The following CTNNA2 variants were observed in gnomAD, a reference collection of about 807,000 sequenced individuals.
CTNNA2 encodes catenin alpha-2.
Under a neutral mutation model 101.0 loss-of-function variants are expected in CTNNA2, and 42 were observed. The observed-to-expected ratio is 0.42, with a 90% CI of 0.32 to 0.54. The LOEUF is 0.54. Among genes scored for constraint, CTNNA2 ranks in the 20% least tolerant of loss-of-function variants. The pLI, the probability that CTNNA2 is intolerant of heterozygous loss-of-function variation, is 0.14. For missense variants in CTNNA2, 871 were observed against 1,223.1 expected (o/e 0.71, Z 4.29); for synonymous variants, 450 against 456.4 (o/e 0.99, Z 0.18).
At chr2:79,206,796 G>A (rs1460686391) in intron 2 of CTNNA2, among the ~76,000 whole-genome samples, 1 of 152,138 alleles carries the variant, frequency 6.6e-6, no homozygotes, top group Non-Finnish European at 1.5e-5. Context: ...AAACCAACTG[G>A]AGAATGATGC....
intron 7 of CTNNA2, among the ~76,000 whole-genome samples, chr2:80,144,539 G>A (rs1427076122): frequency 1.3e-5 from 2 of 152,152 alleles, no homozygotes; most frequent in African/African-American, 4.8e-5. Context: ...GTCATCACTG[G>A]AACACTTAGA....
At chr2:79,193,738 G>C (rs1673921456) in intron 1 of CTNNA2, among the ~76,000 whole-genome samples, 1 of 152,152 alleles carries the variant, frequency 6.6e-6, no homozygotes, top group African/African-American at 2.4e-5. Context: ...CAATGTGACT[G>C]TATATTAAGC....
Position 79,341,879 on chromosome 2 carries a change from C to A in CTNNA2, c.-318+29083C>A, listed in dbSNP as rs565397661. On this transcript the variant is annotated intron_variant, in intron 3 of 21. Transcript: ENST00000466387. ...GATATTGCTGTGAATAATAAGTTGT[C>A]CTTCAGGTCTGACCTAGGAGTCTGA... Among the ~76,000 whole-genome samples, 5 of 152,254 alleles carry A rather than the reference C, an allele frequency of 3.3e-5. No individual in the cohort carries two copies. In the East Asian group the frequency reaches 9.7e-4, roughly 29 times the overall value.
At position 79,586,527 on chromosome 2, in the gene CTNNA2, C is replaced by CT. The variant is rs10629514; in HGVS notation, c.-5-65016dup. Reference sequence around the variant, plus strand: ...TTTAGGTTTTCTTTTCTTTTCTTTTCTTTTTTTTTAGCACTTTTTCTTTTT... The same window carrying CT: ...TTTAGGTTTTCTTTTCTTTTCTTTTCTTTTTTTTTTAGCACTTTTTCTTTTT... On this transcript the variant is annotated intron_variant, in intron 1 of 18. Coordinates refer to ENST00000402739, the MANE Select transcript of CTNNA2 (RefSeq NM_001282597.3). 8.4e-4 allele frequency among the ~76,000 whole-genome samples: 124 copies of CT among 147,928 alleles called. 1 individual carries two copies. The highest frequency in any genetic ancestry group is 3.6e-3 in the Middle Eastern group (1 of 280).
intron 7 of CTNNA2, among the ~76,000 whole-genome samples, chr2:80,119,928 A>G (rs1701736321): frequency 6.6e-6 from 1 of 152,222 alleles, no homozygotes; most frequent in African/African-American, 2.4e-5. Flanking sequence ...ATGTGCTATA[A>G]GGAAATTAAA....
chr2:79,523,052 G>A (rs2103884510), intron 1 of CTNNA2, among the ~76,000 whole-genome samples: 1 of 152,294 alleles, frequency 6.6e-6, no homozygotes, highest in South Asian at 2.1e-4. Flanking sequence ...TTCAAGTACA[G>A]CTGAGATCAT....
chr2:79,485,713 A>G (rs540159931), intron 4 of CTNNA2, among the ~76,000 whole-genome samples: 2 of 152,318 alleles, frequency 1.3e-5, no homozygotes, highest in African/African-American at 4.8e-5. Context: ...TCAATGAAGT[A>G]GGAAAATTAT....
chr2:79,191,281 T>G (rs78579983), intron 1 of CTNNA2, among the ~76,000 whole-genome samples: 1 of 152,306 alleles, frequency 6.6e-6, no homozygotes, highest in African/African-American at 2.4e-5. Flanking sequence ...TCAGCTAAGT[T>G]CCATTTTGAA....
chr2:80,584,605 C>T (rs560317335), intron 14 of CTNNA2, among the ~76,000 whole-genome samples: 17 of 151,978 alleles, frequency 1.1e-4, no homozygotes, highest in Admixed American at 8.5e-4. Flanking sequence ...GGCACTTAAC[C>T]TTGGTGATAC....
chr2:79,876,692 T>G (rs1250294051), intron 6 of CTNNA2, among the ~76,000 whole-genome samples: 1 of 152,178 alleles, frequency 6.6e-6, no homozygotes, highest in Non-Finnish European at 1.5e-5. Context: ...AAGCACCTTT[T>G]ATCCCCAATT....
chr2:79,248,459 G>A (rs1176748321), intron 2 of CTNNA2, among the ~76,000 whole-genome samples: 6 of 151,378 alleles, frequency 4.0e-5, no homozygotes, highest in Admixed American at 2.0e-4. Flanking sequence ...TTAAAATTTG[G>A]TATGTCTTTT....
intron 1 of CTNNA2, among the ~76,000 whole-genome samples, chr2:79,590,515 TA>T (rs1197236968): frequency 1.3e-5 from 2 of 152,170 alleles, no homozygotes; most frequent in Non-Finnish European, 2.9e-5. Context: ...ATGACAGGGT[TA>T]AAAAATATCC....
intron 3 of CTNNA2, among the ~76,000 whole-genome samples, chr2:79,347,873 G>A (rs976060659): frequency 6.7e-6 from 1 of 148,648 alleles, no homozygotes; most frequent in Non-Finnish European, 1.5e-5. Context: ...AGTCCCACAA[G>A]GAAGAGCATG....
intron 7 of CTNNA2, among the ~76,000 whole-genome samples, chr2:80,357,474 A>G (rs976561800): frequency 1.1e-4 from 16 of 152,056 alleles, no homozygotes; most frequent in Admixed American, 6.6e-5. Context: ...CATCTCTGAC[A>G]GTGCCTATCA....
chr2:79,982,238 A>ATATATATATATATATG (rs1553420970), intron 7 of CTNNA2, among the ~76,000 whole-genome samples: 1 of 89,630 alleles, frequency 1.1e-5, no homozygotes, highest in Non-Finnish European at 2.1e-5. Context: ...ATATATATAT[A>ATATATATATATATATG]TATGTATGTA....
rs1010448976 is a variant in CTNNA2 at position 80,473,164 on chromosome 2, C to T, written c.1290+53563C>T. Reference sequence around the variant, plus strand: ...CAGTTCTGATGAGAGTAAGGGCATTCGGTGTGGACTGGTGATAATGACCCC... The same window carrying T: ...CAGTTCTGATGAGAGTAAGGGCATTTGGTGTGGACTGGTGATAATGACCCC... On this transcript the variant is annotated intron_variant, in intron 9 of 18. Coordinates refer to ENST00000402739, the MANE Select transcript of CTNNA2 (RefSeq NM_001282597.3). Among the ~76,000 whole-genome samples the T allele has an allele frequency of 3.9e-5, 6 of 152,224 alleles. No homozygotes were observed. In the South Asian group the frequency reaches 1.2e-3, roughly 32 times the overall value.
chr2:80,597,129 T>C (rs576532160), intron 15 of CTNNA2, among the ~76,000 whole-genome samples: 1 of 152,264 alleles, frequency 6.6e-6, no homozygotes, highest in Admixed American at 6.5e-5. Context: ...CTGAGGATTT[T>C]TGCATCGATG....
At chr2:80,272,026 G>A (rs747906333) in intron 7 of CTNNA2, among the ~76,000 whole-genome samples, 1 of 152,200 alleles carries the variant, frequency 6.6e-6, no homozygotes, top group African/African-American at 2.4e-5. Context: ...TGGACCATAG[G>A]AGGAAACACT....
intron 1 of CTNNA2, among the ~76,000 whole-genome samples, chr2:79,619,809 A>T (rs188651648): frequency 7.2e-5 from 11 of 152,330 alleles, no homozygotes; most frequent in Admixed American, 4.6e-4. Context: ...GCAATATTAC[A>T]CTTAAATCCA....
Sources: allele counts gnomAD v4.1 joint callset (sites outside exome capture counted in the v4.1 genomes callset), GRCh38; gene constraint gnomAD v4.1.1; transcripts MANE v1.5; gene names NCBI Gene and HGNC (gene_info 2026-07-23, HGNC 2026-07-21).